Variants in NRG1 observed in about 807,000 individuals in gnomAD.
The protein encoded by NRG1 is neuregulin 1.
NRG1 carries 18 observed loss-of-function variants against 63.8 expected under a neutral mutation model. That is an observed-to-expected ratio of 0.28 (90% CI 0.19 to 0.42). The LOEUF (loss-of-function observed/expected upper bound fraction) is 0.42. Ranked by LOEUF, NRG1 falls within the 10% of genes least tolerant of loss-of-function variation. The probability of loss-of-function intolerance (pLI) is 1.00; values close to 1 mark genes in which losing one functional copy is unlikely to be tolerated. For synonymous variants in NRG1, 302 were observed against 301.3 expected, an observed-to-expected ratio of 1.00 and a Z score of -0.02; for missense variants, 762 against 814.7, an observed-to-expected ratio of 0.94 and a Z score of 0.79.
At chr8:32,608,086 TTTTTTGTTTTTTTTTTTTTTG>T (rs1167295941) in intron 3 of NRG1, among the ~76,000 whole-genome samples, 3 of 124,706 alleles carry the variant, frequency 2.4e-5, no homozygotes, top group Non-Finnish European at 4.7e-5. Context: ...AACCCAGGTT[TTTTTTGTTTTTTTTTTTTTTG>T]TTTTTTTTTT....
In NRG1 at chr8:31,937,123, A is replaced by G. The variant is rs77701766; in HGVS notation, c.37+297692A>G. The stretch of plus-strand genomic sequence containing the variant: ...CAGAGTCAGCCTTCTCTCTTCTTTC[A>G]GTAACATCCTGTGTTGCCATCTGAC... On this transcript the variant is annotated intron_variant, in intron 1 of 10. Transcript: ENST00000519301. 5.0e-3 allele frequency among the ~76,000 whole-genome samples: 766 copies of G among 152,340 alleles called. 7 individuals carry two copies. Among genetic ancestry groups the G allele is most frequent in the African/African-American group, 0.018 (741 of 41,576 alleles).
At chr8:32,493,998 T>G (rs987061140) in intron 1 of NRG1, among the ~76,000 whole-genome samples, 1 of 152,244 alleles carries the variant, frequency 6.6e-6, no homozygotes, top group African/African-American at 2.4e-5. Flanking sequence ...TTTTTTTTCC[T>G]TAATAAGCAG....
intron 1 of NRG1, among the ~76,000 whole-genome samples, chr8:31,827,341 C>T (rs373664086): frequency 6.6e-6 from 1 of 152,114 alleles, no homozygotes; most frequent in East Asian, 1.9e-4. Context: ...AGAGCAATGG[C>T]CATTTGAGTA....
At chr8:32,768,199 A>G (rs951816742), downstream of NRG1, among the ~76,000 whole-genome samples, 5 of 152,214 alleles carry the variant, frequency 3.3e-5, no homozygotes, top group African/African-American at 1.2e-4. Flanking sequence ...ACCAGACAGT[A>G]CTATGCTTCC....
At chr8:31,951,684 A>G (rs562736860) in intron 1 of NRG1, among the ~76,000 whole-genome samples, 315 of 152,342 alleles carry the variant, frequency 2.1e-3, no homozygotes, top group South Asian at 9.1e-3. Context: ...GAAATTCCAA[A>G]CATAGCAGAG....
intron 1 of NRG1, among the ~76,000 whole-genome samples, chr8:31,784,645 G>A (rs139483921): frequency 1.3e-5 from 2 of 152,174 alleles, no homozygotes; most frequent in African/African-American, 4.8e-5. Flanking sequence ...AAAGAGCAGG[G>A]TTCTGGGGCT....
rs1818634083 is a variant in NRG1, at chr8:32,435,227, A to G, written c.38-160601A>G. On this transcript the variant is annotated intron_variant, in intron 1 of 10. Coordinates refer to the NRG1 transcript ENST00000519301. ...GGCTCTGGATCTGGAAGCTATCATC[A>G]TGGCAACCCCAGAGTCCCATTGGTT... Among the ~76,000 whole-genome samples, 5 of 152,276 alleles carry G rather than the reference A, an allele frequency of 3.3e-5. No homozygotes were observed. The South Asian group carries it at 1.0e-3, about 32-fold the overall frequency.
chr8:31,857,458 G>T (rs866044134), intron 1 of NRG1, among the ~76,000 whole-genome samples: 1 of 152,198 alleles, frequency 6.6e-6, no homozygotes, highest in African/African-American at 2.4e-5. Flanking sequence ...GCAATGCCTC[G>T]CCCTGCTTTG....
intron 1 of NRG1, among the ~76,000 whole-genome samples, chr8:31,965,776 G>A (rs1194703129): frequency 6.6e-6 from 1 of 152,036 alleles, no homozygotes; most frequent in Non-Finnish European, 1.5e-5. Context: ...GCTTTAAATT[G>A]CATTTCCATG....
intron 1 of NRG1, among the ~76,000 whole-genome samples, chr8:32,160,384 C>T (rs1308237483): frequency 2.0e-5 from 3 of 152,188 alleles, no homozygotes; most frequent in Non-Finnish European, 2.9e-5. Flanking sequence ...TATTTATGCT[C>T]ACACCACTCA....
At chr8:31,746,421 C>T (rs983062733) in intron 1 of NRG1, among the ~76,000 whole-genome samples, 2 of 151,972 alleles carry the variant, frequency 1.3e-5, no homozygotes, top group Admixed American at 6.6e-5. Flanking sequence ...TCACTTCACA[C>T]TTTTGCAGTG....
chr8:32,664,364 G>T (rs984269169), intron 5 of NRG1, among the ~76,000 whole-genome samples: 1 of 152,006 alleles, frequency 6.6e-6, no homozygotes, highest in African/African-American at 2.4e-5. Flanking sequence ...TCTTCATATT[G>T]CATGGATAGT....
intron 1 of NRG1, among the ~76,000 whole-genome samples, chr8:32,418,124 G>T (rs1004328767): frequency 6.6e-6 from 1 of 151,970 alleles, no homozygotes; most frequent in African/African-American, 2.4e-5. Flanking sequence ...AAAATACAGC[G>T]ATATTTACTT....
At chr8:32,028,727 G>A (rs1817832134) in intron 1 of NRG1, among the ~76,000 whole-genome samples, 1 of 152,052 alleles carries the variant, frequency 6.6e-6, no homozygotes, top group African/African-American at 2.4e-5. Context: ...TCAAAAGTTA[G>A]ACATTCAAAA....
At chr8:32,701,997 A>G (rs1049924919) in intron 5 of NRG1, among the ~76,000 whole-genome samples, 6 of 152,346 alleles carry the variant, frequency 3.9e-5, no homozygotes, top group Admixed American at 3.3e-4. Flanking sequence ...CCCTTTTCCT[A>G]GTAATCAAGT....
rs76346106 is a variant in NRG1 at position 32,052,566 on chromosome 8, C to T, written c.37+413135C>T. Among the ~76,000 whole-genome samples the T allele has an allele frequency of 8.9e-3, 1,358 of 152,152 alleles. 19 individuals carry two copies. The highest frequency in any genetic ancestry group is 9.5e-3 in the Non-Finnish European group (649 of 68,006). On this transcript the variant is annotated intron_variant, in intron 1 of 10. Coordinates refer to the NRG1 transcript ENST00000519301. ...TCAAATCTAAAAAAATAGTTTAGGA[C>T]GTATTCACCTTAGAGATTTAAGAGT...
chr8:31,856,665 T>A lies in NRG1; in HGVS notation c.37+217234T>A, dbSNP rs1334802640. 2.0e-5 allele frequency among the ~76,000 whole-genome samples: 3 copies of A among 152,368 alleles called. No homozygotes were observed. The East Asian group carries it at 5.8e-4, about 29-fold the overall frequency. ...GTTCCGTTGCTGGTGAGGAACTGCG[T>A]TCCTTTGGAGGAGGAGAGTCGCTCT... On this transcript the variant is annotated intron_variant, in intron 1 of 10. Coordinates refer to the NRG1 transcript ENST00000519301.
At chr8:32,451,827 C>T (rs1348005187) in intron 1 of NRG1, among the ~76,000 whole-genome samples, 2 of 152,082 alleles carry the variant, frequency 1.3e-5, no homozygotes, top group Non-Finnish European at 2.9e-5. Flanking sequence ...CTATCAAACT[C>T]ACTTCCTTCT....
chr8:32,322,382 T>A (rs1295064757), intron 1 of NRG1, among the ~76,000 whole-genome samples: 1 of 147,848 alleles, frequency 6.8e-6, no homozygotes, highest in Non-Finnish European at 1.5e-5. Context: ...TATATACCCA[T>A]TAATTTGATT....
Sources: gnomAD v4.1 joint callset for allele counts (sites outside exome capture counted in the v4.1 genomes callset) on GRCh38, gnomAD v4.1.1 for gene constraint, MANE v1.5 for transcripts, NCBI Gene and HGNC (gene_info 2026-07-23, HGNC 2026-07-21) for gene names.